Variants in ZNF695 observed in about 807,000 individuals in gnomAD.
ZNF695 encodes zinc finger protein 695.
A neutral mutation model predicts 11.2 loss-of-function variants in ZNF695; 11 were observed. The observed-to-expected ratio is 0.98, with a 90% CI of 0.62 to 1.62. ZNF695 has a LOEUF of 1.62. Among genes scored for constraint, ZNF695 ranks in the 40% most tolerant of loss-of-function variants. The pLI is 0.00. For synonymous variants in ZNF695, 190 were observed against 201.4 expected, an observed-to-expected ratio of 0.94 and a Z score of 0.48; for missense variants, 559 against 590.5, an observed-to-expected ratio of 0.95 and a Z score of 0.55.
chr1:247,005,342 C>T (rs1170946219), intron 1 of ZNF695, among the ~76,000 whole-genome samples: 2 of 152,142 alleles, frequency 1.3e-5, no homozygotes, highest in Non-Finnish European at 2.9e-5. Flanking sequence ...GGGGAAACAA[C>T]AGTCTCTCAA....
At chr1:246,976,541 TC>T (rs1249121937) in intron 4 of ZNF695, among the ~76,000 whole-genome samples, 9 of 151,962 alleles carry the variant, frequency 5.9e-5, no homozygotes, top group Non-Finnish European at 7.4e-5. Flanking sequence ...ACACCTGTAA[TC>T]CCAGCACTTT....
At chr1:246,965,435 G>A (rs1668264665) in intron 5 of ZNF695, among the ~76,000 whole-genome samples, 1 of 150,722 alleles carries the variant, frequency 6.6e-6, no homozygotes, top group Non-Finnish European at 1.5e-5. Context: ...TTCCTGCGCT[G>A]CTCAAGATTC....
intron 1 of ZNF695, among the ~76,000 whole-genome samples, chr1:247,004,637 A>G (rs1162217197): frequency 6.6e-6 from 1 of 152,232 alleles, no homozygotes; most frequent in Non-Finnish European, 1.5e-5. Context: ...GGAAGAAGTC[A>G]AATTATCCTT....
chr1:247,005,639 AG>A (rs1182574167), intron 1 of ZNF695, among the ~76,000 whole-genome samples: 2 of 151,958 alleles, frequency 1.3e-5, no homozygotes, highest in East Asian at 3.9e-4. Flanking sequence ...GCCTGAGCCC[AG>A]GGGATGACAG....
Position 246,985,789 on chromosome 1 carries a change from C to G in ZNF695, c.*1178G>C, listed in dbSNP as rs1239969010. On this transcript the variant is annotated 3_prime_UTR_variant, in exon 4 of 4. Coordinates refer to ENST00000339986, the MANE Select transcript of ZNF695 (RefSeq NM_020394.5). ...CCTATCTCATGAATCACTTACAACCCTATTATAAGACAAGTACAAAGAGCC... is the reference window on the plus strand; with the variant it reads ...CCTATCTCATGAATCACTTACAACCGTATTATAAGACAAGTACAAAGAGCC... The G allele has an allele frequency of 2.0e-6, 2 of 985,216 alleles. No homozygotes were observed. Among genetic ancestry groups the G allele is most frequent in the Non-Finnish European group, 2.4e-6 (2 of 829,904 alleles). The allele number at this position is 985,216 out of a possible 1,614,324, so 61.0% of individuals were successfully genotyped here.
At chr1:247,004,121 A>C (rs1350072956) in intron 1 of ZNF695, among the ~76,000 whole-genome samples, 1 of 152,174 alleles carries the variant, frequency 6.6e-6, no homozygotes, top group Non-Finnish European at 1.5e-5. Context: ...CTGAGGCAAG[A>C]AAATCATTGA....
rs1669591350 is a variant in ZNF695 at position 247,007,990 on chromosome 1, G to A, written c.-82C>T. 7 of 1,406,342 alleles carry A rather than the reference G, an allele frequency of 5.0e-6. No homozygotes were observed. The highest frequency in any genetic ancestry group is 4.7e-6 in the Non-Finnish European group (5 of 1,063,534). 87.1% of individuals were successfully genotyped at this position (1,406,342 alleles called of 1,614,324 possible). ...CCACAGGGCGATGGAGCCTGCGGCA[G>A]TCACCCGGGACTCTCCGAGAGGCAG... On this transcript the variant is annotated 5_prime_UTR_variant, in exon 1 of 4. Coordinates refer to ENST00000339986, the MANE Select transcript of ZNF695 (RefSeq NM_020394.5).
intron 4 of ZNF695, among the ~76,000 whole-genome samples, chr1:246,975,709 C>T (rs1469928358): frequency 1.3e-5 from 2 of 152,160 alleles, no homozygotes; most frequent in Non-Finnish European, 2.9e-5. Flanking sequence ...CCAAGATTTT[C>T]ATTGACAGTA....
At chr1:246,994,612 C>T (rs1255356553) in intron 3 of ZNF695, among the ~76,000 whole-genome samples, 2 of 151,734 alleles carry the variant, frequency 1.3e-5, no homozygotes, top group East Asian at 3.9e-4. Context: ...CTGAGGCAGG[C>T]GGATCACGAG....
chr1:246,989,993 C>T (rs577741510), intron 3 of ZNF695, among the ~76,000 whole-genome samples: 49 of 135,404 alleles, frequency 3.6e-4, no homozygotes, highest in African/African-American at 1.3e-3. Flanking sequence ...ACAGTGAGAC[C>T]CCATCTTGAA....
intron 1 of ZNF695, among the ~76,000 whole-genome samples, chr1:247,007,511 A>AT (rs1669575600): frequency 6.6e-6 from 1 of 150,704 alleles, no homozygotes; most frequent in Admixed American, 6.6e-5. Flanking sequence ...AAAAAAAAAA[A>AT]AAAAGAGGAG....
In ZNF695 at chr1:246,985,528, C is replaced by A. The variant is rs184308848; in HGVS notation, c.*1439G>T. 5,056 of 985,380 alleles carry A rather than the reference C, an allele frequency of 5.1e-3. 18 individuals carry two copies. Among genetic ancestry groups the A allele is most frequent in the Non-Finnish European group, 5.9e-3 (4,912 of 829,918 alleles). The allele number at this position is 985,380 out of a possible 1,614,324, so 61.0% of individuals were successfully genotyped here. On this transcript the variant is annotated 3_prime_UTR_variant, in exon 4 of 4. Coordinates refer to ENST00000339986, the MANE Select transcript of ZNF695 (RefSeq NM_020394.5). ...TATTGTTACCATTTGTTACCTACAA[C>A]CGTAACTAAGGTGAGATAGGTTAAC...
chr1:246,992,775 G>GA (rs1270992919), intron 3 of ZNF695, among the ~76,000 whole-genome samples: 5 of 152,112 alleles, frequency 3.3e-5, no homozygotes, highest in Non-Finnish European at 5.9e-5. Context: ...AAGCCCCATA[G>GA]AATGGAAGGA....
chr1:246,953,913 G>A (rs1667928722), intron 5 of ZNF695, among the ~76,000 whole-genome samples: 4 of 144,958 alleles, frequency 2.8e-5, no homozygotes, highest in South Asian at 4.4e-4. Flanking sequence ...GCGACAGAGT[G>A]AGACTGTCTC....
chr1:246,966,236 C>G (rs1668287111), intron 5 of ZNF695, among the ~76,000 whole-genome samples: 2 of 152,142 alleles, frequency 1.3e-5, no homozygotes, highest in African/African-American at 4.8e-5. Flanking sequence ...CACCTATAAT[C>G]TCAGCACATT....
rs1352532473 is a variant in ZNF695 at position 246,968,529 on chromosome 1, T to G, written c.391-737A>C. On this transcript the variant is annotated intron_variant, in intron 4 of 5. Transcript: ENST00000487338. The stretch of plus-strand genomic sequence containing the variant: ...TACCATTCTGGGGTGTGGAGGACAG[T>G]GGCCCTCTTCTCACAGCTCCACTTG... 8 of 152,424 alleles carry G rather than the reference T, an allele frequency of 5.2e-5. No individual in the cohort carries two copies. The East Asian group carries it at 1.5e-3, about 29-fold the overall frequency. 9.4% of individuals were successfully genotyped at this position (152,424 alleles called of 1,614,324 possible). A position where few individuals can be genotyped will look rare whatever the true frequency, so the allele number is the denominator to read the frequency against.
chr1:246,977,498 C>T (rs1262348430), intron 4 of ZNF695, among the ~76,000 whole-genome samples: 5 of 152,192 alleles, frequency 3.3e-5, no homozygotes, highest in South Asian at 2.1e-4. Flanking sequence ...GTGATCCACC[C>T]GCCTCAGCCT....
chr1:246,976,346 A>G (rs960098693), intron 4 of ZNF695, among the ~76,000 whole-genome samples: 4 of 152,220 alleles, frequency 2.6e-5, no homozygotes, highest in Non-Finnish European at 5.9e-5. Flanking sequence ...ATTTAGCTCA[A>G]TGATTGCTAT....
chr1:246,989,962 C>T (rs1388185249), intron 3 of ZNF695, among the ~76,000 whole-genome samples: 3 of 151,650 alleles, frequency 2.0e-5, no homozygotes, highest in African/African-American at 4.9e-5. Flanking sequence ...GATTGCACCA[C>T]TGCACTTCAG....
Sources: allele counts gnomAD v4.1 joint callset (sites outside exome capture counted in the v4.1 genomes callset), GRCh38; gene constraint gnomAD v4.1.1; transcripts MANE v1.5; gene names NCBI Gene and HGNC (gene_info 2026-07-23, HGNC 2026-07-21).